TFCP2: variants seen among roughly 807,000 people sequenced by gnomAD.
TFCP2 encodes the protein transcription factor CP2, also known as alpha-globin transcription factor CP2.
Under a neutral mutation model 73.4 loss-of-function variants are expected in TFCP2, and 33 were observed. The observed-to-expected ratio is 0.45, with a 90% confidence interval of 0.34 to 0.60. TFCP2 has a LOEUF of 0.60. Ranked by LOEUF, TFCP2 falls within the 20% of genes least tolerant of loss-of-function variation. TFCP2 has a pLI of 0.01. For synonymous variants in TFCP2, 193 were observed against 211.6 expected, an observed-to-expected ratio of 0.91 and a Z score of 0.76; for missense variants, 352 against 604.0, an observed-to-expected ratio of 0.58 and a Z score of 4.37.
intron 1 of TFCP2, among the ~76,000 whole-genome samples, chr12:51,123,555 A>G (rs1173354812): frequency 6.6e-6 from 1 of 152,114 alleles, no homozygotes; most frequent in African/African-American, 2.4e-5. Flanking sequence ...ACATTTTATT[A>G]TATTTTCTGA....
intron 1 of TFCP2, among the ~76,000 whole-genome samples, chr12:51,124,098 C>CTTT (rs11454676): frequency 1.3e-5 from 2 of 150,010 alleles, no homozygotes; most frequent in Non-Finnish European, 3.0e-5. Context: ...AGCTACTTTT[C>CTTT]TTTTTTTTTT....
chr12:51,152,171 T>C (rs1941443595), intron 1 of TFCP2, among the ~76,000 whole-genome samples: 1 of 152,162 alleles, frequency 6.6e-6, no homozygotes, highest in African/African-American at 2.4e-5. Context: ...AAGCAATAAA[T>C]AGCATGTGCA....
rs79340002 is a variant in TFCP2, at chr12:51,099,771, C to T, written c.1160G>A (p.Arg387His). ...ACAAACATAAATGGTTAACCTTGGA[C>T]GCACCATCCTAAGGGGAGGAAAAAG... is the stretch of plus-strand genomic sequence containing the variant. ...LFNALKGRMV[R>H]PRLTIYVCQE... Residue 387 changes from arginine (R) to histidine (H), a missense_variant, in exon 12 of 15, where the codon CGT (arginine) becomes CAT (histidine). Around this residue, in one of 6 missense-constraint regions of TFCP2, gnomAD observed 194 missense variants for 256.3 expected, o/e 0.76. Coordinates refer to ENST00000257915, the MANE Select transcript of TFCP2 (RefSeq NM_005653.5). 1.4e-5 allele frequency: 23 copies of T among 1,614,076 alleles called. No homozygotes were observed. The highest frequency in any genetic ancestry group is 2.2e-5 in the East Asian group (1 of 44,880).
At chr12:51,165,225 T>A (rs1258246855) in intron 1 of TFCP2, among the ~76,000 whole-genome samples, 2 of 151,880 alleles carry the variant, frequency 1.3e-5, no homozygotes, top group Non-Finnish European at 2.9e-5. Context: ...TATAAACCAA[T>A]ATCCCATATG....
chr12:51,139,721 T>C (rs1049455518), intron 1 of TFCP2, among the ~76,000 whole-genome samples: 3 of 151,480 alleles, frequency 2.0e-5, no homozygotes, highest in Non-Finnish European at 4.4e-5. Context: ...CTGCAGTTCT[T>C]TCCCTTGCCC....
intron 1 of TFCP2, among the ~76,000 whole-genome samples, chr12:51,155,767 C>A (rs370803313): frequency 1.3e-5 from 2 of 152,138 alleles, no homozygotes; most frequent in Admixed American, 6.5e-5. Flanking sequence ...ATAGGCCAGG[C>A]GCAGTGGCTC....
At chr12:51,157,732 G>A (rs372955784) in intron 1 of TFCP2, among the ~76,000 whole-genome samples, 14 of 121,718 alleles carry the variant, frequency 1.2e-4, no homozygotes, top group African/African-American at 4.3e-4. Flanking sequence ...TATTGCCCAG[G>A]CTGGAGTACA....
At chr12:51,171,194 T>G (rs1941853113) in intron 1 of TFCP2, among the ~76,000 whole-genome samples, 1 of 152,140 alleles carries the variant, frequency 6.6e-6, no homozygotes, top group Non-Finnish European at 1.5e-5. Context: ...TTAGATTAAG[T>G]CTTAATAATG....
At chr12:51,162,064 T>C (rs1941661492) in intron 1 of TFCP2, among the ~76,000 whole-genome samples, 1 of 149,760 alleles carries the variant, frequency 6.7e-6, no homozygotes. Context: ...AACAGCAGAG[T>C]TGAACAGGCA....
intron 1 of TFCP2, among the ~76,000 whole-genome samples, chr12:51,166,214 C>T (rs1352454386): frequency 6.6e-6 from 1 of 150,930 alleles, no homozygotes; most frequent in Non-Finnish European, 1.5e-5. Flanking sequence ...ACTTGGGAGG[C>T]TGAGGCAGGA....
intron 1 of TFCP2, among the ~76,000 whole-genome samples, chr12:51,128,383 G>A (rs1192872766): frequency 7.9e-5 from 12 of 151,006 alleles, no homozygotes; most frequent in African/African-American, 2.4e-4. Context: ...GCTAAATGAC[G>A]ACTTAATGGG....
chr12:51,135,105 C>T (rs1467661698), intron 1 of TFCP2, among the ~76,000 whole-genome samples: 2 of 83,958 alleles, frequency 2.4e-5, no homozygotes, highest in Non-Finnish European at 5.2e-5. Context: ...GTGAGACTGT[C>T]TCAAAAAGAA....
chr12:51,163,243 T>G (rs2137046238), intron 1 of TFCP2, among the ~76,000 whole-genome samples: 1 of 152,242 alleles, frequency 6.6e-6, no homozygotes, highest in East Asian at 1.9e-4. Flanking sequence ...AAAGCTGTGA[T>G]GGTGCCACTG....
chr12:51,151,716 G>A (rs923485437), intron 1 of TFCP2, among the ~76,000 whole-genome samples: 3 of 152,156 alleles, frequency 2.0e-5, no homozygotes, highest in Admixed American at 1.3e-4. Flanking sequence ...GATTACAGGC[G>A]TGAGCCACCA....
chr12:51,107,179 G>A, intron 7 of TFCP2, 57 bp downstream of exon 7: 1 of 1,399,808 alleles, frequency 7.1e-7, no homozygotes, highest in Non-Finnish European at 9.9e-7. Context: ...TGGAAGTGAT[G>A]AATTTTTAAG....
At chr12:51,119,104 A>G (rs1940599393) in intron 1 of TFCP2, among the ~76,000 whole-genome samples, 1 of 152,252 alleles carries the variant, frequency 6.6e-6, no homozygotes, top group African/African-American at 2.4e-5. Flanking sequence ...CTTCATTCTC[A>G]GAAAGGCAAC....
At chr12:51,153,899 G>A (rs1280653093) in intron 1 of TFCP2, among the ~76,000 whole-genome samples, 3 of 152,174 alleles carry the variant, frequency 2.0e-5, no homozygotes, top group Non-Finnish European at 4.4e-5. Flanking sequence ...ACACTCAGAA[G>A]TGAAACAGTT....
At chr12:51,127,699 T>C (rs992488178) in intron 1 of TFCP2, among the ~76,000 whole-genome samples, 1 of 152,132 alleles carries the variant, frequency 6.6e-6, no homozygotes, top group Non-Finnish European at 1.5e-5. Flanking sequence ...AGAAGAAATA[T>C]TAGGAAAAGT....
rs939991130 is a variant in TFCP2 at position 51,162,012 on chromosome 12, T to C, written c.122+10289A>G. On this transcript the variant is annotated intron_variant, in intron 1 of 14. Transcript: ENST00000257915. The stretch of plus-strand genomic sequence containing the variant: ...ATGAATCAAATAGCAATTCTGGACA[T>C]AAAGATACAAGAGCCAAAATAAAGA... Among the ~76,000 whole-genome samples, 5 of 151,232 alleles carry C rather than the reference T, an allele frequency of 3.3e-5. No homozygotes were observed. The East Asian group carries it at 5.8e-4, about 18-fold the overall frequency.
Sources: gnomAD v4.1 joint callset for allele counts (sites outside exome capture counted in the v4.1 genomes callset) on GRCh38, gnomAD v4.1.1 for gene constraint, gnomAD v4.1.1 regional missense constraint, MANE v1.5 for transcripts, NCBI Gene and HGNC (gene_info 2026-07-23, HGNC 2026-07-21) for gene names.